Variants in POU2F1 observed in about 807,000 individuals in gnomAD.
POU2F1 encodes the protein POU class 2 homeobox 1.
Under a neutral mutation model 84.9 loss-of-function variants are expected in POU2F1, and 16 were observed. The observed-to-expected ratio is 0.19, with a 90% CI of 0.13 to 0.29. The LOEUF is 0.29. POU2F1 is among the 10% of genes least tolerant of loss of function. The pLI, the probability that POU2F1 is intolerant of heterozygous loss-of-function variation, is 1.00. For synonymous variants in POU2F1, 368 were observed against 368.3 expected, an observed-to-expected ratio of 1.00 and a Z score of 0.01; for missense variants, 738 against 942.6, an observed-to-expected ratio of 0.78 and a Z score of 2.84.
At chr1:167,404,638 G>A (rs1649443506) in intron 13 of POU2F1, among the ~76,000 whole-genome samples, 1 of 152,184 alleles carries the variant, frequency 6.6e-6, no homozygotes, top group Non-Finnish European at 1.5e-5. Flanking sequence ...AAGGCCCACT[G>A]TGAGAGCTAT....
At chr1:167,305,248 C>T (rs1283616100) in intron 1 of POU2F1, among the ~76,000 whole-genome samples, 2 of 150,668 alleles carry the variant, frequency 1.3e-5, no homozygotes, top group Non-Finnish European at 3.0e-5. Flanking sequence ...AGTGCAGTGG[C>T]GAGATCTCCA....
intron 1 of POU2F1, among the ~76,000 whole-genome samples, chr1:167,222,142 G>C (rs992810624): frequency 2.2e-4 from 33 of 152,216 alleles, no homozygotes; most frequent in Admixed American, 3.9e-4. Flanking sequence ...GGATGTAAAG[G>C]GCTGCCCTCC....
Position 167,417,349 on chromosome 1 carries a change from G to T in POU2F1, c.*1539G>T, listed in dbSNP as rs1002983813. ...TGCTCCTGCTAGGTAGGTCTAAATG[G>T]CAATACACATCTCTTTATTCAATGT... is the stretch of plus-strand genomic sequence containing the variant. On this transcript the variant is annotated 3_prime_UTR_variant, in exon 16 of 16. Coordinates refer to ENST00000367866, the MANE Select transcript of POU2F1 (RefSeq NM_002697.4). 1 of 152,156 alleles carries T rather than the reference G, an allele frequency of 6.6e-6. No homozygotes were observed. The highest frequency in any genetic ancestry group is 1.5e-5 in the Non-Finnish European group (1 of 68,050). The allele number at this position is 152,156 out of a possible 1,614,324, so 9.4% of individuals were successfully genotyped here.
intron 3 of POU2F1, among the ~76,000 whole-genome samples, chr1:167,369,313 T>G (rs1194367889): frequency 6.6e-6 from 1 of 152,202 alleles, no homozygotes; most frequent in African/African-American, 2.4e-5. Context: ...CTGGTGACTC[T>G]TGTTTGTGCT....
At chr1:167,264,907 C>G (rs1410915779) in intron 1 of POU2F1, among the ~76,000 whole-genome samples, 1 of 152,120 alleles carries the variant, frequency 6.6e-6, no homozygotes, top group East Asian at 1.9e-4. Flanking sequence ...ACCTCAGGGC[C>G]TTTACACTTG....
intron 1 of POU2F1, among the ~76,000 whole-genome samples, chr1:167,299,852 G>T (rs1287661113): frequency 6.6e-6 from 1 of 152,176 alleles, no homozygotes; most frequent in African/African-American, 2.4e-5. Flanking sequence ...AACCCAGATT[G>T]TTGGGCCCCC....
At chr1:167,241,386 A>C (rs1472723465) in intron 1 of POU2F1, 1 of 152,202 alleles carries the variant, frequency 6.6e-6, no homozygotes, top group Non-Finnish European at 1.5e-5. Context: ...GGAATTAATC[A>C]GGAACCTTTT....
chr1:167,265,243 A>G (rs1651860310), intron 1 of POU2F1, among the ~76,000 whole-genome samples: 1 of 152,198 alleles, frequency 6.6e-6, no homozygotes, highest in South Asian at 2.1e-4. Flanking sequence ...TCTAGATGAG[A>G]GATGGTGGCT....
chr1:167,220,950 C>G lies in POU2F1; in HGVS notation c.53C>G (p.Ala18Gly). The G allele has an allele frequency of 6.5e-7, 1 of 1,535,122 alleles. No homozygotes were observed. The highest frequency in any genetic ancestry group is 8.7e-7 in the Non-Finnish European group (1 of 1,146,666). Residue 18 changes from alanine to glycine, a missense_variant, in exon 1 of 16, where the codon GCA becomes GGA. Physicochemically the swap from Ala to Gly is moderately conservative, Grantham distance 60. Coordinates refer to ENST00000367866, the MANE Select transcript of POU2F1 (RefSeq NM_002697.4). ...SQDESSAAAAAAADSRMNNPS... is the reference protein window; with the variant it reads ...SQDESSAAAAGAADSRMNNPS... ...GATGAGAGTTCAGCCGCGGCGGCAGCAGCAGCAGGTAATCATTACAGCATT... is the reference window on the plus strand; with the variant it reads ...GATGAGAGTTCAGCCGCGGCGGCAGGAGCAGCAGGTAATCATTACAGCATT...
At chr1:167,311,165 C>A (rs1489662182) in intron 1 of POU2F1, among the ~76,000 whole-genome samples, 3 of 151,758 alleles carry the variant, frequency 2.0e-5, no homozygotes. Context: ...TTTCACAAAA[C>A]AAAAAAATCT....
intron 7 of POU2F1, among the ~76,000 whole-genome samples, chr1:167,383,269 G>T (rs913490323): frequency 6.6e-6 from 1 of 152,156 alleles, no homozygotes; most frequent in Non-Finnish European, 1.5e-5. Flanking sequence ...AAGTAATTGA[G>T]CATCTTCTAC....
At chr1:167,261,755 G>A (rs1571187826) in intron 1 of POU2F1, among the ~76,000 whole-genome samples, 1 of 152,102 alleles carries the variant, frequency 6.6e-6, no homozygotes, top group East Asian at 1.9e-4. Flanking sequence ...TCTTGGCTTG[G>A]CTCACTGTAA....
Position 167,422,384 on chromosome 1 carries a change from C to T in POU2F1, c.*6574C>T, listed in dbSNP as rs1327554100. 3 of 152,176 alleles carry T rather than the reference C, an allele frequency of 2.0e-5. No individual in the cohort carries two copies. Among genetic ancestry groups the T allele is most frequent in the Non-Finnish European group, 4.4e-5 (3 of 68,036 alleles). The allele number at this position is 152,176 out of a possible 1,614,324, so 9.4% of individuals were successfully genotyped here. A position where few individuals can be genotyped will look rare whatever the true frequency, so the allele number is the denominator to read the frequency against. ...CTCTGTCAAGTTACTGAATGTTGTG[C>T]TAATAACACAACACTTTAAAACCTT... On this transcript the variant is annotated 3_prime_UTR_variant, in exon 16 of 16. Coordinates refer to ENST00000367866, the MANE Select transcript of POU2F1 (RefSeq NM_002697.4).
chr1:167,341,117 C>A (rs1290821322), intron 2 of POU2F1, among the ~76,000 whole-genome samples: 1 of 152,178 alleles, frequency 6.6e-6, no homozygotes, highest in Non-Finnish European at 1.5e-5. Context: ...ATTATGTCAT[C>A]TGATTTCTAG....
At chr1:167,257,262 A>T (rs1435651606) in intron 1 of POU2F1, among the ~76,000 whole-genome samples, 2 of 152,264 alleles carry the variant, frequency 1.3e-5, no homozygotes, top group Admixed American at 6.5e-5. Flanking sequence ...GCAGATGTTC[A>T]TGTGAGCATG....
chr1:167,294,643 A>G (rs1363108253), intron 1 of POU2F1, among the ~76,000 whole-genome samples: 1 of 152,222 alleles, frequency 6.6e-6, no homozygotes, highest in Non-Finnish European at 1.5e-5. Flanking sequence ...AATAAGATAT[A>G]CAAGTGGTCG....
intron 1 of POU2F1, among the ~76,000 whole-genome samples, chr1:167,221,442 G>A (rs1384392603): frequency 6.7e-6 from 1 of 149,284 alleles, no homozygotes; most frequent in African/African-American, 2.4e-5. Flanking sequence ...CGCGGGGTGG[G>A]GGGCGTGAAG....
chr1:167,331,204 G>A (rs924950605), intron 1 of POU2F1, among the ~76,000 whole-genome samples: 7 of 152,124 alleles, frequency 4.6e-5, no homozygotes, highest in Admixed American at 2.6e-4. Flanking sequence ...CATAAGACAA[G>A]CATCAGTTAC....
chr1:167,221,827 G>C (rs551493816), intron 1 of POU2F1, among the ~76,000 whole-genome samples: 1 of 152,022 alleles, frequency 6.6e-6, no homozygotes, highest in Non-Finnish European at 1.5e-5. Flanking sequence ...TGCCCCCCCT[G>C]GGGGGTGGAC....
Sources: gnomAD v4.1 joint callset for allele counts (sites outside exome capture counted in the v4.1 genomes callset) on GRCh38, gnomAD v4.1.1 for gene constraint, MANE v1.5 for transcripts, NCBI Gene and HGNC (gene_info 2026-07-23, HGNC 2026-07-21) for gene names.